The following DLGAP2 variants were observed in gnomAD, a reference collection of about 807,000 sequenced individuals.
DLGAP2 encodes disks large-associated protein 2.
In DLGAP2, 26 loss-of-function variants were observed where a neutral mutation model predicts 100.3. The ratio of observed to expected loss-of-function variants is 0.26; its 90% CI spans 0.19 to 0.36. The LOEUF (loss-of-function observed/expected upper bound fraction) is 0.36. Among genes scored for constraint, DLGAP2 ranks in the 10% least tolerant of loss-of-function variants. DLGAP2 has a pLI of 1.00. For missense variants in DLGAP2, 1,858 were observed against 1,453.2 expected (o/e 1.28, Z -4.53); for synonymous variants, 886 against 630.1 (o/e 1.41, Z -6.08).
intron 2 of DLGAP2, among the ~76,000 whole-genome samples, chr8:935,430 A>C (rs1799049021): frequency 6.6e-6 from 1 of 152,204 alleles, no homozygotes; most frequent in African/African-American, 2.4e-5. Context: ...GAAGTAGCTT[A>C]TTAATTTTTT....
chr8:1,417,831 T>A (rs1362013017), intron 3 of DLGAP2, among the ~76,000 whole-genome samples: 2 of 152,142 alleles, frequency 1.3e-5, no homozygotes, highest in African/African-American at 4.8e-5. Flanking sequence ...TTTGAAGAAT[T>A]CGATTATTAC....
intron 8 of DLGAP2, among the ~76,000 whole-genome samples, chr8:1,633,446 C>G (rs183126717): frequency 6.6e-6 from 1 of 152,292 alleles, no homozygotes; most frequent in Admixed American, 6.5e-5. Flanking sequence ...CAGCCGGTCT[C>G]TTGCTCAGTA....
chr8:858,589 CGCTGTCACCGTGGGCACGTGTGTGAT>C (rs1563066870), intron 1 of DLGAP2, among the ~76,000 whole-genome samples: 15 of 98,512 alleles, frequency 1.5e-4, no homozygotes, highest in East Asian at 8.4e-4. Flanking sequence ...ACATGTGTGA[CGCTGTCACCGTGGGCACGTGTGTGAT>C]GCTGTCACCG....
intron 1 of DLGAP2, among the ~76,000 whole-genome samples, chr8:828,614 C>T (rs1040051392): frequency 2.0e-5 from 3 of 152,120 alleles, no homozygotes; most frequent in Non-Finnish European, 4.4e-5. Flanking sequence ...GGTCCTGAGA[C>T]GATATGCATC....
At chr8:1,585,281 G>T (rs1358091311) in intron 6 of DLGAP2, among the ~76,000 whole-genome samples, 1 of 152,016 alleles carries the variant, frequency 6.6e-6, no homozygotes, top group African/African-American at 2.4e-5. Flanking sequence ...TGGCCAAGAT[G>T]GCAAAACCCT....
At chr8:1,173,788 C>T (rs1039235379) in intron 2 of DLGAP2, among the ~76,000 whole-genome samples, 5 of 152,184 alleles carry the variant, frequency 3.3e-5, no homozygotes, top group Non-Finnish European at 7.3e-5. Flanking sequence ...GTCTGTCACC[C>T]CTTTCTTTGA....
intron 1 of DLGAP2, among the ~76,000 whole-genome samples, chr8:782,397 A>G (rs1449288844): frequency 6.6e-6 from 1 of 152,162 alleles, no homozygotes; most frequent in Middle Eastern, 3.2e-3. Context: ...TTATATTAAT[A>G]CATACTCTCT....
intron 3 of DLGAP2, among the ~76,000 whole-genome samples, chr8:1,424,682 G>T (rs1180468679): frequency 2.6e-5 from 4 of 152,224 alleles, no homozygotes; most frequent in Admixed American, 1.3e-4. Context: ...CACAGCACCT[G>T]GAGGAGTCAG....
At chr8:766,891 A>G (rs1365081463) in intron 1 of DLGAP2, among the ~76,000 whole-genome samples, 2 of 152,104 alleles carry the variant, frequency 1.3e-5, no homozygotes, top group Admixed American at 6.5e-5. Context: ...TGGGCGGCCT[A>G]GACTTGTAAC....
At chr8:790,272 A>G (rs1821992300) in intron 1 of DLGAP2, among the ~76,000 whole-genome samples, 1 of 152,112 alleles carries the variant, frequency 6.6e-6, no homozygotes, top group Admixed American at 6.5e-5. Context: ...ATTTCAAGGG[A>G]AATAATAGAA....
chr8:1,576,969 C>G (rs766192461), intron 6 of DLGAP2, among the ~76,000 whole-genome samples: 10 of 152,192 alleles, frequency 6.6e-5, no homozygotes, highest in Non-Finnish European at 1.2e-4. Flanking sequence ...CAAGACAATC[C>G]TAAGCCAAAA....
intron 6 of DLGAP2, among the ~76,000 whole-genome samples, chr8:1,574,179 T>G (rs929681186): frequency 3.9e-5 from 6 of 152,156 alleles, no homozygotes. Context: ...TATTTCATGT[T>G]GAATGCCAAC....
intron 3 of DLGAP2, among the ~76,000 whole-genome samples, chr8:1,298,406 A>G (rs934589353): frequency 6.6e-6 from 1 of 152,150 alleles, no homozygotes; most frequent in African/African-American, 2.4e-5. Context: ...CAGTGGAGAC[A>G]CCAGGAAGCC....
At chr8:884,476 C>T (rs969405419) in intron 1 of DLGAP2, among the ~76,000 whole-genome samples, 14 of 150,742 alleles carry the variant, frequency 9.3e-5, no homozygotes, top group East Asian at 1.9e-4. Context: ...GCCCACTTTT[C>T]GATGTTTTTT....
intron 3 of DLGAP2, among the ~76,000 whole-genome samples, chr8:1,273,451 C>T (rs895205236): frequency 6.6e-6 from 1 of 152,156 alleles, no homozygotes; most frequent in Non-Finnish European, 1.5e-5. Context: ...CCTTTATGCC[C>T]CACCTTAACT....
intron 2 of DLGAP2, among the ~76,000 whole-genome samples, chr8:1,025,082 G>C (rs550961655): frequency 2.6e-5 from 4 of 152,122 alleles, no homozygotes; most frequent in African/African-American, 9.6e-5. Context: ...GCATGTGTGT[G>C]TGCGCGTGTA....
chr8:1,151,729 G>A (rs191087568), intron 2 of DLGAP2, among the ~76,000 whole-genome samples: 9 of 152,314 alleles, frequency 5.9e-5, no homozygotes, highest in Middle Eastern at 3.4e-3. Context: ...GTCAGGTGGC[G>A]TCGTCTCATC....
rs543063329 is a variant in DLGAP2 at position 1,445,539 on chromosome 8, G to A, written c.107-55827G>A. Among the ~76,000 whole-genome samples the A allele has an allele frequency of 5.0e-3, 760 of 152,054 alleles. 2 individuals carry two copies. The highest frequency in any genetic ancestry group is 0.017 in the Middle Eastern group (5 of 294). On this transcript the variant is annotated intron_variant, in intron 3 of 14. Transcript: ENST00000637795. Reference sequence around the variant, plus strand: ...AGTCTTTGCTATTGTGAATAGTGCCGCAATAAACACACGCGTGCACGTGTC... The same window carrying A: ...AGTCTTTGCTATTGTGAATAGTGCCACAATAAACACACGCGTGCACGTGTC...
intron 4 of DLGAP2, among the ~76,000 whole-genome samples, chr8:1,508,613 G>C (rs930638778): frequency 8.4e-5 from 11 of 130,420 alleles, no homozygotes; most frequent in Non-Finnish European, 1.5e-4. Flanking sequence ...CTCCTCTGTG[G>C]GATGTGCCAG....
Sources: allele counts gnomAD v4.1 joint callset (sites outside exome capture counted in the v4.1 genomes callset), GRCh38; gene constraint gnomAD v4.1.1; transcripts MANE v1.5; gene names NCBI Gene and HGNC (gene_info 2026-07-23, HGNC 2026-07-21).